Variants in KSR2 observed in about 807,000 individuals in gnomAD.
The protein encoded by KSR2 is kinase suppressor of ras 2.
KSR2 carries 25 observed loss-of-function variants against 107.8 expected under a neutral mutation model. The observed-to-expected ratio is 0.23, with a 90% confidence interval of 0.17 to 0.32. The LOEUF (loss-of-function observed/expected upper bound fraction) is 0.32. Among genes scored for constraint, KSR2 ranks in the 10% least tolerant of loss-of-function variants. The probability of loss-of-function intolerance (pLI) is 1.00; values close to 1 mark genes in which losing one functional copy is unlikely to be tolerated. For synonymous variants in KSR2, 480 were observed against 507.0 expected (o/e 0.95, Z 0.71); for missense variants, 887 against 1,268.9 (o/e 0.70, Z 4.57).
At chr12:117,736,305 C>G (rs1256440914) in intron 4 of KSR2, among the ~76,000 whole-genome samples, 3 of 152,182 alleles carry the variant, frequency 2.0e-5, no homozygotes, top group African/African-American at 7.2e-5. Context: ...GTAAATTTCA[C>G]AGCTTTCTCT....
intron 4 of KSR2, among the ~76,000 whole-genome samples, chr12:117,706,650 T>C (rs1338174841): frequency 6.6e-6 from 1 of 152,112 alleles, no homozygotes; most frequent in East Asian, 1.9e-4. Flanking sequence ...GTGACAGACA[T>C]GTTCTAAAAC....
intron 4 of KSR2, among the ~76,000 whole-genome samples, chr12:117,707,085 T>C (rs1886558010): frequency 1.3e-5 from 2 of 152,228 alleles, no homozygotes; most frequent in Admixed American, 1.3e-4. Flanking sequence ...GCACACTACA[T>C]GAATAAACTT....
intron 3 of KSR2, among the ~76,000 whole-genome samples, chr12:117,829,429 A>G (rs1031081361): frequency 1.3e-5 from 2 of 152,182 alleles, no homozygotes; most frequent in South Asian, 4.1e-4. Flanking sequence ...AGTTCTCTGT[A>G]TCTTATTGCA....
At chr12:117,594,710 C>T (rs1050778168) in intron 5 of KSR2, among the ~76,000 whole-genome samples, 3 of 152,150 alleles carry the variant, frequency 2.0e-5, no homozygotes, top group African/African-American at 4.8e-5. Context: ...GGAATTCCCC[C>T]GCAACAAGAG....
chr12:117,614,389 T>G (rs1179239169), intron 5 of KSR2, among the ~76,000 whole-genome samples: 1 of 152,198 alleles, frequency 6.6e-6, no homozygotes, highest in Non-Finnish European at 1.5e-5. Flanking sequence ...TAGAGAAAGT[T>G]TATTCTAAGG....
intron 12 of KSR2, among the ~76,000 whole-genome samples, chr12:117,527,965 G>GTGTGTA (rs1378258148): frequency 2.0e-5 from 3 of 149,066 alleles, no homozygotes; most frequent in African/African-American, 7.4e-5. Flanking sequence ...GTGTGTGTGT[G>GTGTGTA]TGTGTGTGTG....
intron 8 of KSR2, among the ~76,000 whole-genome samples, chr12:117,555,963 T>C (rs1335206534): frequency 6.6e-6 from 1 of 152,036 alleles, no homozygotes; most frequent in East Asian, 1.9e-4. Context: ...GCTGTTGTTG[T>C]TGTTGTTGTT....
At chr12:117,530,452 A>C (rs563725696) in intron 12 of KSR2, among the ~76,000 whole-genome samples, 1 of 152,302 alleles carries the variant, frequency 6.6e-6, no homozygotes, top group East Asian at 1.9e-4. Flanking sequence ...CTGTGTTCCA[A>C]TAAAACTTTA....
At chr12:117,709,169 T>C (rs1886651357) in intron 4 of KSR2, among the ~76,000 whole-genome samples, 1 of 152,174 alleles carries the variant, frequency 6.6e-6, no homozygotes, top group Non-Finnish European at 1.5e-5. Context: ...GCAGACATCT[T>C]TGGGGGAGCT....
At chr12:117,834,149 TA>T (rs201936852) in intron 3 of KSR2, among the ~76,000 whole-genome samples, 34 of 132,758 alleles carry the variant, frequency 2.6e-4, no homozygotes, top group South Asian at 7.4e-4. Context: ...TCAAAAAAAA[TA>T]AAAAAAAAAA....
At chr12:117,531,627 T>G in intron 11 of KSR2, 39 bp downstream of exon 11, 1 of 1,586,234 alleles carries the variant, frequency 6.3e-7, no homozygotes. Flanking sequence ...CAGCGGGGCT[T>G]GTTCAGAAGG....
intron 4 of KSR2, among the ~76,000 whole-genome samples, chr12:117,741,895 A>G (rs958417699): frequency 1.3e-5 from 2 of 152,230 alleles, no homozygotes; most frequent in Non-Finnish European, 2.9e-5. Context: ...GAGGAGTAAC[A>G]GAATATTTAT....
At chr12:117,523,453 A>G (rs567107246) in intron 14 of KSR2, among the ~76,000 whole-genome samples, 1 of 152,290 alleles carries the variant, frequency 6.6e-6, no homozygotes, top group East Asian at 1.9e-4. Flanking sequence ...AAAACAAACC[A>G]AAGGATTGTT....
At chr12:117,667,342 C>G in intron 5 of KSR2, 132 bp downstream of exon 5, 1 of 865,404 alleles carries the variant, frequency 1.2e-6, no homozygotes, top group South Asian at 1.6e-5. Flanking sequence ...GGGTGAAGCT[C>G]TACAGTGAGC....
chr12:117,943,655 T>C (rs1896081737), intron 1 of KSR2, among the ~76,000 whole-genome samples: 1 of 152,042 alleles, frequency 6.6e-6, no homozygotes, highest in Non-Finnish European at 1.5e-5. Context: ...AAAAATGAAG[T>C]ACTAATACAT....
intron 7 of KSR2, among the ~76,000 whole-genome samples, chr12:117,566,077 C>T (rs1385165292): frequency 1.4e-5 from 2 of 143,154 alleles, no homozygotes; most frequent in African/African-American, 5.2e-5. Context: ...GGTACTAAGC[C>T]TAGTACCCAG....
At chr12:117,633,705 G>T (rs1186205685) in intron 5 of KSR2, among the ~76,000 whole-genome samples, 1 of 152,056 alleles carries the variant, frequency 6.6e-6, no homozygotes, top group Non-Finnish European at 1.5e-5. Context: ...TTGCGTTTAG[G>T]GCTCACTTAA....
At chr12:117,964,835 T>G (rs1201515135) in intron 1 of KSR2, among the ~76,000 whole-genome samples, 2 of 152,218 alleles carry the variant, frequency 1.3e-5, no homozygotes, top group East Asian at 3.8e-4. Context: ...TACAACTATA[T>G]CAGTCTGACT....
intron 3 of KSR2, among the ~76,000 whole-genome samples, chr12:117,786,890 G>A (rs1890096544): frequency 6.6e-6 from 1 of 152,004 alleles, no homozygotes; most frequent in African/African-American, 2.4e-5. Flanking sequence ...TTGGCCAGGC[G>A]TGGTGTTGCA....
Sources: allele counts gnomAD v4.1 joint callset (sites outside exome capture counted in the v4.1 genomes callset), GRCh38; gene constraint gnomAD v4.1.1; transcripts MANE v1.5; gene names NCBI Gene and HGNC (gene_info 2026-07-23, HGNC 2026-07-21).